The following NUP54 variants were observed in gnomAD, a reference collection of about 807,000 sequenced individuals.
NUP54 encodes nucleoporin p54.
NUP54 carries 27 observed loss-of-function variants against 66.4 expected under a neutral mutation model. The ratio of observed to expected loss-of-function variants is 0.41; its 90% confidence interval spans 0.30 to 0.56. The LOEUF (loss-of-function observed/expected upper bound fraction) is 0.56. Ranked by LOEUF, NUP54 falls within the 20% of genes least tolerant of loss-of-function variation. The pLI is 0.34. For synonymous variants in NUP54, 206 were observed against 210.7 expected, an observed-to-expected ratio of 0.98 and a Z score of 0.19; for missense variants, 486 against 596.3, an observed-to-expected ratio of 0.82 and a Z score of 1.93.
intron 3 of NUP54, among the ~76,000 whole-genome samples, chr4:76,137,911 T>C (rs62300618): frequency 0.13 from 20,036 of 152,254 alleles, 1,544 homozygotes; most frequent in East Asian, 0.35. Flanking sequence ...AATAACTGTA[T>C]TTCGTGTTTC....
In NUP54 at chr4:76,148,333, G is replaced by A; in HGVS notation, c.42C>T (p.Thr14=). ...CCGCGGGGGCCGCGGTGGCTGCAGC[G>A]GTACCGGAGGTGCCCGAGGGAGCCC... ...NFGAPSGTSG[T]AAATAAPAGG... The change falls in exon 1 of 12, where the codon ACC becomes ACT. Residue 14 remains threonine, a synonymous_variant. Coordinates refer to ENST00000264883, the MANE Select transcript of NUP54 (RefSeq NM_017426.4). The A allele has an allele frequency of 6.5e-7, 1 of 1,538,320 alleles. No homozygotes were observed. Among genetic ancestry groups the A allele is most frequent in the Non-Finnish European group, 8.8e-7 (1 of 1,142,458 alleles).
chr4:76,128,861 CAT>C (rs1177549189), intron 8 of NUP54, among the ~76,000 whole-genome samples: 1 of 152,128 alleles, frequency 6.6e-6, no homozygotes, highest in African/African-American at 2.4e-5. Context: ...TGTTCTCACT[CAT>C]ATGTGGAAGC....
chr4:76,125,791 G>GAGGGAGGT (rs1730499151), intron 8 of NUP54, among the ~76,000 whole-genome samples: 1 of 36,952 alleles, frequency 2.7e-5, no homozygotes, highest in Non-Finnish European at 5.7e-5. Context: ...GAGGGGGAGA[G>GAGGGAGGT]AGGGAGAGGG....
At position 76,131,222 on chromosome 4, in the gene NUP54, A is replaced by ATACT; in HGVS notation, c.962+4_962+7dup. The ATACT allele has an allele frequency of 3.8e-6, 6 of 1,560,634 alleles. No homozygotes were observed. The highest frequency in any genetic ancestry group is 5.3e-6 in the Non-Finnish European group (6 of 1,136,858). On this transcript the variant is annotated splice_region_variant and intron_variant, in intron 7 of 11. Transcript: ENST00000264883. ...TTCTTAAATGAAACAAGATGAAGAC[A>ATACT]TACTTACTTTTCAGAATCAGGGTTA...
chr4:76,143,464 C>T (rs1049511065), intron 3 of NUP54, among the ~76,000 whole-genome samples: 5 of 152,034 alleles, frequency 3.3e-5, no homozygotes, highest in East Asian at 1.9e-4. Context: ...ATTAGCTGGG[C>T]GTGGTGGTGT....
At chr4:76,119,547 T>C (rs571588786) in intron 9 of NUP54, among the ~76,000 whole-genome samples, 1 of 151,608 alleles carries the variant, frequency 6.6e-6, no homozygotes, top group South Asian at 2.1e-4. Flanking sequence ...TTTTTCTTTT[T>C]TTTTTTTTTT....
At chr4:76,146,569 T>C (rs1731507753) in intron 1 of NUP54, among the ~76,000 whole-genome samples, 1 of 149,878 alleles carries the variant, frequency 6.7e-6, no homozygotes, top group South Asian at 2.1e-4. Context: ...ACTTCCCAAT[T>C]AACTTTTAGG....
chr4:76,137,680 G>A (rs998302885), intron 3 of NUP54, among the ~76,000 whole-genome samples: 3 of 152,144 alleles, frequency 2.0e-5, no homozygotes, highest in African/African-American at 7.2e-5. Flanking sequence ...ATGGAAAGAA[G>A]GGCCAAGTTC....
At chr4:76,125,669 AGAGGG>A in intron 8 of NUP54, among the ~76,000 whole-genome samples, 1 of 21,326 alleles carries the variant, frequency 4.7e-5, no homozygotes, top group Non-Finnish European at 8.3e-5. Flanking sequence ...AGAGGGGGAG[AGAGGG>A]AGAGAGGGAG....
At chr4:76,127,184 G>A (rs1007194451) in intron 8 of NUP54, among the ~76,000 whole-genome samples, 2 of 152,134 alleles carry the variant, frequency 1.3e-5, no homozygotes, top group South Asian at 2.1e-4. Context: ...TGTAATCCCA[G>A]CACTTTGGGA....
intron 11 of NUP54, 90 bp from the exon 12 acceptor site, chr4:76,115,584 T>C: frequency 1.0e-6 from 1 of 1,001,130 alleles, no homozygotes; most frequent in Non-Finnish European, 1.4e-6. Context: ...TTTGACTATT[T>C]TACTAGCAAC....
chr4:76,130,218 G>C (rs916922378), intron 8 of NUP54, among the ~76,000 whole-genome samples: 1 of 151,744 alleles, frequency 6.6e-6, no homozygotes, highest in Non-Finnish European at 1.5e-5. Flanking sequence ...CTGATCTCAA[G>C]TGATCCACCC....
intron 6 of NUP54, among the ~76,000 whole-genome samples, chr4:76,131,696 T>G (rs12648709): frequency 6.6e-6 from 1 of 152,014 alleles, no homozygotes; most frequent in Non-Finnish European, 1.5e-5. Context: ...ATTCCTGTTA[T>G]GAATATAAAC....
At chr4:76,119,542 CT>C (rs11358048) in intron 9 of NUP54, among the ~76,000 whole-genome samples, 52,899 of 143,206 alleles carry the variant, frequency 0.37, 10,992 homozygotes, top group East Asian at 0.6. Context: ...AATTTTTTTT[CT>C]TTTTTTTTTT....
At chr4:76,130,600 G>A in intron 8 of NUP54, 56 bp downstream of exon 8, 1 of 1,147,584 alleles carries the variant, frequency 8.7e-7, no homozygotes, top group Non-Finnish European at 1.3e-6. Context: ...AGAATTAAAT[G>A]TCTATAATCC....
intron 3 of NUP54, among the ~76,000 whole-genome samples, chr4:76,142,773 T>C (rs976867452): frequency 1.3e-5 from 2 of 152,114 alleles, no homozygotes; most frequent in Non-Finnish European, 2.9e-5. Flanking sequence ...TGGCCAAAGA[T>C]GTAACAATTT....
rs768783655 is a variant in NUP54 at position 76,148,349 on chromosome 4, G to A, written c.26C>T (p.Ser9Leu). The part of the protein sequence containing the change: MAFNFGAP[S>L]GTSGTAAATA... ...GGCTGCAGCGGTACCGGAGGTGCCCGAGGGAGCCCCAAAATTGAAGGCCAT... is the reference window on the plus strand; with the variant it reads ...GGCTGCAGCGGTACCGGAGGTGCCCAAGGGAGCCCCAAAATTGAAGGCCAT... Residue 9 changes from serine to leucine, a missense_variant, in exon 1 of 12, where the codon TCG becomes TTG. By Grantham distance (145) the Ser-to-Leu change is moderately radical. Around this residue, in one of 4 missense-constraint regions of NUP54, gnomAD observed 145 missense variants for 137.1 expected, o/e 1.06. Coordinates refer to ENST00000264883, the MANE Select transcript of NUP54 (RefSeq NM_017426.4). 2.6e-6 allele frequency: 4 copies of A among 1,549,508 alleles called. No individual in the cohort carries two copies. Among genetic ancestry groups the A allele is most frequent in the South Asian group, 1.2e-5 (1 of 81,942 alleles).
Position 76,115,254 on chromosome 4 carries a change from C to G in NUP54, c.*112G>C. The G allele has an allele frequency of 2.0e-6, 2 of 997,484 alleles. No homozygotes were observed. The highest frequency in any genetic ancestry group is 2.7e-6 in the Non-Finnish European group (2 of 732,288). 61.8% of individuals were successfully genotyped at this position (997,484 alleles called of 1,614,324 possible). ...TCAGTAAACTTCTCAAAAAACCAATCCAAGAAAGAATTGTTTTCTTTTTCC... is the reference window on the plus strand; with the variant it reads ...TCAGTAAACTTCTCAAAAAACCAATGCAAGAAAGAATTGTTTTCTTTTTCC... On this transcript the variant is annotated 3_prime_UTR_variant, in exon 12 of 12. Transcript: ENST00000264883.
At position 76,115,360 on chromosome 4, in the gene NUP54, G is replaced by C. The variant is rs560931860; in HGVS notation, c.*6C>G. 35 of 1,581,116 alleles carry C rather than the reference G, an allele frequency of 2.2e-5. No homozygotes were observed. The South Asian group carries it at 3.4e-4, about 15-fold the overall frequency. ...TTCACAAACCTTTACACAAGTTTGT[G>C]AACTGTCAACTAAAGACACCACCTC... On this transcript the variant is annotated 3_prime_UTR_variant, in exon 12 of 12. Coordinates refer to ENST00000264883, the MANE Select transcript of NUP54 (RefSeq NM_017426.4).
Sources: gnomAD v4.1 joint callset for allele counts (sites outside exome capture counted in the v4.1 genomes callset) on GRCh38, gnomAD v4.1.1 for gene constraint, gnomAD v4.1.1 regional missense constraint, MANE v1.5 for transcripts, NCBI Gene and HGNC (gene_info 2026-07-23, HGNC 2026-07-21) for gene names.